The following KCNJ3 variants were observed in gnomAD, a reference collection of about 807,000 sequenced individuals.
KCNJ3 encodes potassium inwardly rectifying channel subfamily J member 3.
A neutral mutation model predicts 39.2 loss-of-function variants in KCNJ3; 4 were observed. The ratio of observed to expected loss-of-function variants is 0.10; its 90% confidence interval spans 0.05 to 0.23. KCNJ3 has a LOEUF of 0.23. Ranked by LOEUF, KCNJ3 falls within the 10% of genes least tolerant of loss-of-function variation. The probability of loss-of-function intolerance (pLI) is 1.00; values close to 1 mark genes in which losing one functional copy is unlikely to be tolerated. For missense variants in KCNJ3, 276 were observed against 634.9 expected, an observed-to-expected ratio of 0.43 and a Z score of 6.08; for synonymous variants, 230 against 237.4, an observed-to-expected ratio of 0.97 and a Z score of 0.29.
At chr2:154,773,107 G>A (rs574634658) in intron 2 of KCNJ3, among the ~76,000 whole-genome samples, 1 of 151,846 alleles carries the variant, frequency 6.6e-6, no homozygotes, top group Non-Finnish European at 1.5e-5. Flanking sequence ...AGAAACCTTT[G>A]GTGAAAAGTT....
chr2:154,709,726 G>A lies in KCNJ3; in HGVS notation c.826G>A (p.Ala276Thr). The A allele has an allele frequency of 6.2e-7, 1 of 1,613,914 alleles. No individual in the cohort carries two copies. Among genetic ancestry groups the A allele is most frequent in the Non-Finnish European group, 8.5e-7 (1 of 1,179,896 alleles). Residue 276 changes from alanine to threonine, a missense_variant, in exon 2 of 3, where the codon GCC becomes ACC. Around this residue, in one of 4 missense-constraint regions of KCNJ3, gnomAD observed 77 missense variants for 200.0 expected, o/e 0.38. Transcript: ENST00000295101. ...SPLTICHVID[A>T]KSPFYDLSQR... ...CCTCACAATTTGCCACGTGATCGATGCCAAAAGCCCCTTTTATGACCTATC... is the reference window on the plus strand; with the variant it reads ...CCTCACAATTTGCCACGTGATCGATACCAAAAGCCCCTTTTATGACCTATC...
At chr2:154,779,499 TTA>T (rs1290645787) in intron 2 of KCNJ3, among the ~76,000 whole-genome samples, 13 of 146,082 alleles carry the variant, frequency 8.9e-5, no homozygotes, top group African/African-American at 2.0e-4. Context: ...TATATATATT[TTA>T]TATATGTTAT....
At chr2:154,780,612 T>C (rs1170415931) in intron 2 of KCNJ3, among the ~76,000 whole-genome samples, 1 of 151,468 alleles carries the variant, frequency 6.6e-6, no homozygotes, top group Non-Finnish European at 1.5e-5. Flanking sequence ...GGGTTGGGGG[T>C]CAGGGAGGGG....
At chr2:154,794,839 T>TA (rs1220142611) in intron 2 of KCNJ3, among the ~76,000 whole-genome samples, 4 of 152,150 alleles carry the variant, frequency 2.6e-5, no homozygotes, top group African/African-American at 9.6e-5. Flanking sequence ...CCATAGTAGG[T>TA]ATTCAATAAA....
intron 2 of KCNJ3, among the ~76,000 whole-genome samples, chr2:154,763,065 G>A (rs1476033036): frequency 6.6e-6 from 1 of 152,142 alleles, no homozygotes; most frequent in Non-Finnish European, 1.5e-5. Context: ...ATGATAAAGG[G>A]AAATAATATA....
chr2:154,844,824 A>T (rs1687639569), intron 2 of KCNJ3, among the ~76,000 whole-genome samples: 1 of 152,178 alleles, frequency 6.6e-6, no homozygotes, highest in African/African-American at 2.4e-5. Flanking sequence ...TTTGGGCAGA[A>T]GTGCCTCATT....
intron 2 of KCNJ3, among the ~76,000 whole-genome samples, chr2:154,826,076 T>C (rs1687266169): frequency 6.6e-6 from 1 of 152,126 alleles, no homozygotes; most frequent in Non-Finnish European, 1.5e-5. Flanking sequence ...ATTGGTCTTA[T>C]AGAGTAAATA....
Position 154,822,340 on chromosome 2 carries a change from A to G in KCNJ3, c.920-32387A>G, listed in dbSNP as rs367754101. Among the ~76,000 whole-genome samples the G allele has an allele frequency of 5.3e-5, 8 of 152,146 alleles. No individual in the cohort carries two copies. The East Asian group carries it at 1.5e-3, about 29-fold the overall frequency. ...CTATTTTTTAACTGTGTGCCTCATA[A>G]TTATCTTGAACCACTGAGGCATTTC... On this transcript the variant is annotated intron_variant, in intron 2 of 2. Coordinates refer to ENST00000295101, the MANE Select transcript of KCNJ3 (RefSeq NM_002239.4).
chr2:154,854,924 G>A lies in KCNJ3; in HGVS notation c.1117G>A (p.Ala373Thr), dbSNP rs773881872. The A allele has an allele frequency of 6.2e-7, 1 of 1,613,884 alleles. No homozygotes were observed. Among genetic ancestry groups the A allele is most frequent in the Admixed American group, 1.7e-5 (1 of 59,964 alleles). ...GCTTCTCATGTCGTCCCCTTTAATA[G>A]CACCAGCCATAACTAACAGCAAAGA... ...EMLLMSSPLI[A>T]PAITNSKERH... is the part of the protein sequence containing the mutation. The change falls in exon 3 of 3, where the codon GCA (alanine) becomes ACA (threonine). Residue 373 changes from alanine to threonine, a missense_variant. Physicochemically the swap from Ala to Thr is moderately conservative, Grantham distance 58. Transcript: ENST00000295101.
chr2:154,763,310 C>G (rs376392314), intron 2 of KCNJ3, among the ~76,000 whole-genome samples: 1 of 152,106 alleles, frequency 6.6e-6, no homozygotes, highest in African/African-American at 2.4e-5. Context: ...ATTGGATTTT[C>G]TCTAGGTGGG....
intron 2 of KCNJ3, among the ~76,000 whole-genome samples, chr2:154,735,363 C>T (rs1685513101): frequency 6.6e-6 from 1 of 151,852 alleles, no homozygotes; most frequent in Non-Finnish European, 1.5e-5. Context: ...ATCCGTCCGC[C>T]TCGGCATCCC....
chr2:154,752,283 C>T (rs1419776803), intron 2 of KCNJ3, among the ~76,000 whole-genome samples: 2 of 151,726 alleles, frequency 1.3e-5, no homozygotes, highest in Non-Finnish European at 2.9e-5. Flanking sequence ...TTTTCCTTTG[C>T]AATAGCAATA....
chr2:154,822,045 T>C (rs576581261), intron 2 of KCNJ3, among the ~76,000 whole-genome samples: 107 of 152,264 alleles, frequency 7.0e-4, no homozygotes, highest in Admixed American at 2.7e-3. Context: ...AGTATGCCAA[T>C]GTTACTGTTC....
chr2:154,818,918 C>CTTTTTTTTTTTTTTTT lies in KCNJ3; in HGVS notation c.920-35792_920-35777dup, dbSNP rs57668487. Among the ~76,000 whole-genome samples the CTTTTTTTTTTTTTTTT allele has an allele frequency of 5.7e-4, 30 of 52,436 alleles. 3 individuals carry two copies. Among genetic ancestry groups the CTTTTTTTTTTTTTTTT allele is most frequent in the East Asian group, 1.6e-3 (2 of 1,218 alleles). 34.4% of individuals were successfully genotyped at this position (52,436 alleles called of 152,430 possible). On this transcript the variant is annotated intron_variant, in intron 2 of 2. Coordinates refer to ENST00000295101, the MANE Select transcript of KCNJ3 (RefSeq NM_002239.4). ...GAGCTTGAGCTGTAGCTGCAAAAGCCTTTTTTTTTTTTTTTTTTTTTTTTT... is the reference window on the plus strand; with the variant it reads ...GAGCTTGAGCTGTAGCTGCAAAAGCCTTTTTTTTTTTTTTTTTTTTTTTTTTTTTTTTTTTTTTTTT...
At chr2:154,700,562 C>T (rs189174768) in intron 1 of KCNJ3, among the ~76,000 whole-genome samples, 7 of 152,130 alleles carry the variant, frequency 4.6e-5, no homozygotes, top group Admixed American at 1.3e-4. Context: ...TCTGAGGTTG[C>T]GTAGAGAACT....
chr2:154,775,218 G>GT (rs960301752), intron 2 of KCNJ3, among the ~76,000 whole-genome samples: 6 of 152,196 alleles, frequency 3.9e-5, no homozygotes, highest in African/African-American at 1.2e-4. Flanking sequence ...CACCTGGCCT[G>GT]TTTTTGCTAA....
intron 1 of KCNJ3, among the ~76,000 whole-genome samples, chr2:154,705,337 T>C (rs1276910569): frequency 2.0e-5 from 3 of 152,170 alleles, no homozygotes; most frequent in Non-Finnish European, 2.9e-5. Context: ...CCTAGGATCA[T>C]GTATGTATAT....
At chr2:154,722,357 T>C (rs1685276034) in intron 2 of KCNJ3, among the ~76,000 whole-genome samples, 1 of 152,166 alleles carries the variant, frequency 6.6e-6, no homozygotes, top group Admixed American at 6.5e-5. Context: ...AAATGTGCCA[T>C]GCTACTAGGG....
chr2:154,834,645 C>T (rs1210376109), intron 2 of KCNJ3, among the ~76,000 whole-genome samples: 1 of 149,524 alleles, frequency 6.7e-6, no homozygotes, highest in African/African-American at 2.4e-5. Flanking sequence ...AGGAGAATGG[C>T]GTGAACCTGG....
Sources: allele counts gnomAD v4.1 joint callset (sites outside exome capture counted in the v4.1 genomes callset), GRCh38; gene constraint gnomAD v4.1.1; regional missense constraint gnomAD v4.1.1; transcripts MANE v1.5; gene names NCBI Gene and HGNC (gene_info 2026-07-23, HGNC 2026-07-21).